GRIP1: variants seen among roughly 807,000 people sequenced by gnomAD.
GRIP1 encodes the protein glutamate receptor-interacting protein 1.
In GRIP1, 45 loss-of-function variants were observed where a neutral mutation model predicts 129.9. The observed-to-expected ratio is 0.35, with a 90% CI of 0.27 to 0.44. GRIP1 has a LOEUF of 0.44. GRIP1 is among the 20% of genes least tolerant of loss of function. GRIP1 has a pLI of 1.00. For synonymous variants in GRIP1, 530 were observed against 520.8 expected (o/e 1.02, Z -0.24); for missense variants, 1,196 against 1,396.8 (o/e 0.86, Z 2.29).
In GRIP1 at chr12:66,420,764, G is replaced by C. The variant is rs371673578; in HGVS notation, c.1794C>G (p.Asp598Glu). ...TCTTGATATCTGAAATGACGAGGGG[G>C]TCTCCTGGTTTTCTACTGGATGGTG... ...ISSPSSRKPG[D>E]PLVISDIKKG... The change falls in exon 15 of 25, where the codon GAC becomes GAG. Residue 598 changes from aspartate (D) to glutamate (E), a missense_variant. By Grantham distance (45) the Asp-to-Glu change is conservative. Transcript: ENST00000359742. The C allele has an allele frequency of 6.3e-7, 1 of 1,587,364 alleles. No homozygotes were observed.
At chr12:66,732,952 C>T (rs1592788107) in intron 1 of GRIP1, among the ~76,000 whole-genome samples, 1 of 151,978 alleles carries the variant, frequency 6.6e-6, no homozygotes, top group African/African-American at 2.4e-5. Flanking sequence ...TGTGCTAGGC[C>T]CAAATTTTAT....
intron 1 of GRIP1, among the ~76,000 whole-genome samples, chr12:66,878,831 C>T (rs552002883): frequency 3.2e-4 from 48 of 151,834 alleles, no homozygotes; most frequent in African/African-American, 1.1e-3. Context: ...ATAGAGGTGA[C>T]GCAATTTTAG....
At chr12:66,546,052 C>A (rs1383263764) in intron 2 of GRIP1, among the ~76,000 whole-genome samples, 1 of 152,050 alleles carries the variant, frequency 6.6e-6, no homozygotes, top group African/African-American at 2.4e-5. Context: ...CAAACCTTAT[C>A]AAAATCCCAG....
intron 1 of GRIP1, among the ~76,000 whole-genome samples, chr12:66,912,051 A>C (rs1052178365): frequency 6.6e-6 from 1 of 152,208 alleles, no homozygotes; most frequent in African/African-American, 2.4e-5. Flanking sequence ...GCCAGCATCT[A>C]TGTTTCATTA....
chr12:66,929,335 A>G (rs1376027486), intron 1 of GRIP1, among the ~76,000 whole-genome samples: 1 of 152,214 alleles, frequency 6.6e-6, no homozygotes, highest in African/African-American at 2.4e-5. Flanking sequence ...TAACTGGGGA[A>G]TCCCCCAACT....
chr12:66,910,929 C>A (rs905507007), intron 1 of GRIP1, among the ~76,000 whole-genome samples: 5 of 152,150 alleles, frequency 3.3e-5, no homozygotes. Flanking sequence ...ACAGGTTCTA[C>A]AACATGAAGA....
In GRIP1 at chr12:66,480,676, A is replaced by G. The variant is rs143882953; in HGVS notation, c.725-15254T>C. ...ACTTCAAACTATACTACAAGGCTAC[A>G]GTAACCAAAACAGCATGGTACTGGT... On this transcript the variant is annotated intron_variant, in intron 7 of 24. Transcript: ENST00000359742. 9.6e-3 allele frequency among the ~76,000 whole-genome samples: 1,465 copies of G among 152,366 alleles called. 25 individuals are homozygous for G. Among genetic ancestry groups the G allele is most frequent in the African/African-American group, 0.032 (1,351 of 41,580 alleles).
chr12:66,796,278 T>C (rs542697372), intron 1 of GRIP1, among the ~76,000 whole-genome samples: 79 of 152,156 alleles, frequency 5.2e-4, no homozygotes, highest in African/African-American at 1.9e-3. Flanking sequence ...TAAATCTACA[T>C]TTTTCCTATT....
At chr12:67,048,825 T>C (rs943020884) in intron 1 of GRIP1, among the ~76,000 whole-genome samples, 29 of 152,184 alleles carry the variant, frequency 1.9e-4, no homozygotes, top group Admixed American at 1.8e-3. Flanking sequence ...CCACCATCCA[T>C]GTAAAACGTG....
rs549860885 is a variant in GRIP1 at position 66,378,106 on chromosome 12, A to T, written c.2622-821T>A. On this transcript the variant is annotated intron_variant, in intron 20 of 24. Transcript: ENST00000359742. ...AAGATGGATCCATGAGGTATCTTTT[A>T]AAAAAAAAAAAAAGTAACTTAATGT... Among the ~76,000 whole-genome samples, 254 of 141,334 alleles carry T rather than the reference A, an allele frequency of 1.8e-3. 2 individuals carry two copies. The East Asian group carries it at 0.028, about 15-fold the overall frequency. The allele number at this position is 141,334 out of a possible 152,430, so 92.7% of individuals were successfully genotyped here. A position where few individuals can be genotyped will look rare whatever the true frequency, so the allele number is the denominator to read the frequency against.
At chr12:66,407,660 G>A (rs1437393770) in intron 15 of GRIP1, among the ~76,000 whole-genome samples, 1 of 152,208 alleles carries the variant, frequency 6.6e-6, no homozygotes, top group Non-Finnish European at 1.5e-5. Context: ...TCAGCCCTAG[G>A]CAGAGGGGAA....
rs565905907 is a variant in GRIP1, at chr12:66,937,741, T to C, written c.58+131309A>G. 9.9e-5 allele frequency among the ~76,000 whole-genome samples: 15 copies of C among 152,238 alleles called. No homozygotes were observed. In the East Asian group the frequency reaches 2.7e-3, roughly 28 times the overall value. On this transcript the variant is annotated intron_variant, in intron 1 of 1. Transcript: ENST00000643019. ...ACATTGAGAGATCACAATCTCTCAA[T>C]AGATATTAGAGTTTCCAAAGATGAT...
At chr12:66,353,203 A>G (rs952352809) in intron 24 of GRIP1, among the ~76,000 whole-genome samples, 19 of 152,160 alleles carry the variant, frequency 1.2e-4, no homozygotes, top group African/African-American at 4.1e-4. Flanking sequence ...GCCGAAAAAA[A>G]CTGGTAAGAA....
At chr12:66,814,406 T>C (rs1385118557) in intron 1 of GRIP1, among the ~76,000 whole-genome samples, 1 of 152,158 alleles carries the variant, frequency 6.6e-6, no homozygotes, top group Non-Finnish European at 1.5e-5. Flanking sequence ...ATTCACTTTA[T>C]TATAGCTGCT....
chr12:66,750,052 T>C (rs2037076322), intron 1 of GRIP1, among the ~76,000 whole-genome samples: 1 of 152,192 alleles, frequency 6.6e-6, no homozygotes, highest in Non-Finnish European at 1.5e-5. Flanking sequence ...AGACAAGGCA[T>C]TCCAATGTGT....
rs537080764 is a variant in GRIP1, at chr12:66,900,479, G to A, written c.58+168571C>T. On this transcript the variant is annotated intron_variant, in intron 1 of 1. Transcript: ENST00000643019. The stretch of plus-strand genomic sequence containing the variant: ...CTTGATCTTGGACTTCCTAGCCTCC[G>A]GAACTGTGAAAAGTAAGTATCTTTT... Among the ~76,000 whole-genome samples, 52 of 152,228 alleles carry A rather than the reference G, an allele frequency of 3.4e-4. 1 individual carries two copies. The highest frequency in any genetic ancestry group is 2.9e-3 in the South Asian group (14 of 4,814).
intron 12 of GRIP1, 68 bp downstream of exon 12, chr12:66,445,254 G>A: frequency 8.5e-7 from 1 of 1,180,160 alleles, no homozygotes; most frequent in Non-Finnish European, 1.3e-6. Context: ...TAATTTACTA[G>A]CCATTCAAAG....
intron 1 of GRIP1, among the ~76,000 whole-genome samples, chr12:66,785,485 C>T (rs1451902043): frequency 1.1e-4 from 16 of 151,282 alleles, no homozygotes; most frequent in Admixed American, 1.1e-3. Context: ...GCACTCCAGC[C>T]TTGGCAACAC....
chr12:66,644,326 T>C (rs1228426293), intron 1 of GRIP1, among the ~76,000 whole-genome samples: 1 of 152,042 alleles, frequency 6.6e-6, no homozygotes, highest in Non-Finnish European at 1.5e-5. Flanking sequence ...TTTCCTTTTG[T>C]GAAGAACTGC....
Sources: gnomAD v4.1 joint callset for allele counts (sites outside exome capture counted in the v4.1 genomes callset) on GRCh38, gnomAD v4.1.1 for gene constraint, MANE v1.5 for transcripts, NCBI Gene and HGNC (gene_info 2026-07-23, HGNC 2026-07-21) for gene names.